MTHFD1: variants seen among roughly 807,000 people sequenced by gnomAD.
The protein encoded by MTHFD1 is C-1-tetrahydrofolate synthase, cytoplasmic.
Under a neutral mutation model 110.3 loss-of-function variants are expected in MTHFD1, and 44 were observed. The ratio of observed to expected loss-of-function variants is 0.40; its 90% CI spans 0.31 to 0.51. The LOEUF (loss-of-function observed/expected upper bound fraction) is 0.51. Ranked by LOEUF, MTHFD1 falls within the 20% of genes least tolerant of loss-of-function variation. MTHFD1 has a pLI of 0.60. For missense variants in MTHFD1, 909 were observed against 1,173.1 expected (o/e 0.77, Z 3.29); for synonymous variants, 402 against 428.8 (o/e 0.94, Z 0.77).
Position 64,426,009 on chromosome 14 carries a change from G to A in MTHFD1, c.954-10G>A, listed in dbSNP as rs771210554. 20 of 1,613,324 alleles carry A rather than the reference G, an allele frequency of 1.2e-5. No homozygotes were observed. The South Asian group carries it at 2.1e-4, about 17-fold the overall frequency. ...ATAAACATTAATACCTATTTTCTAT[G>A]TTTCCAAAGTGACATTGATATATCA... On this transcript the variant is annotated splice_polypyrimidine_tract_variant and intron_variant, in intron 10 of 27. Transcript: ENST00000652337.
chr14:64,448,151 TGAA>T (rs1242955952), intron 22 of MTHFD1, 63 bp from the exon 23 acceptor site: 2 of 1,219,694 alleles, frequency 1.6e-6, no homozygotes, highest in Non-Finnish European at 2.4e-6. Context: ...TGTTTGCCTT[TGAA>T]GAAGAACCTG....
In MTHFD1 at chr14:64,427,369, G is replaced by A; in HGVS notation, c.1160G>A (p.Ser387Asn). 1 of 1,614,202 alleles carries A rather than the reference G, an allele frequency of 6.2e-7. No individual in the cohort carries two copies. The highest frequency in any genetic ancestry group is 8.5e-7 in the Non-Finnish European group (1 of 1,180,032). The change falls in exon 12 of 28, where the codon AGC becomes AAC. Residue 387 changes from serine (S) to asparagine (N), a missense_variant. Physicochemically the swap from Ser to Asn is conservative, Grantham distance 46. Around this residue, in one of 3 missense-constraint regions of MTHFD1, gnomAD observed 424 missense variants for 510.4 expected, o/e 0.83. Transcript: ENST00000652337. ...ITPTPLGEGKSTTTIGLVQAL... is the reference protein window; with the variant it reads ...ITPTPLGEGKNTTTIGLVQAL... ...CCAACACCCCTGGGAGAAGGGAAAA[G>A]CACAACTACAATCGGGCTAGTGCAA... is the stretch of plus-strand genomic sequence containing the variant.
chr14:64,415,202 G>T (rs990067100), intron 4 of MTHFD1, among the ~76,000 whole-genome samples, 156 bp from the exon 5 acceptor site: 3 of 152,252 alleles, frequency 2.0e-5, no homozygotes, highest in African/African-American at 7.2e-5. Context: ...TTAAAGTACA[G>T]GTGCTCTCAG....
At chr14:64,455,851 T>A (rs1329165295) in intron 26 of MTHFD1, among the ~76,000 whole-genome samples, 1 of 152,206 alleles carries the variant, frequency 6.6e-6, no homozygotes, top group Non-Finnish European at 1.5e-5. Flanking sequence ...GGCAACATCA[T>A]CACATCACAG....
intron 2 of MTHFD1, among the ~76,000 whole-genome samples, chr14:64,402,468 A>G (rs1386347200): frequency 6.6e-6 from 1 of 152,238 alleles, no homozygotes; most frequent in Non-Finnish European, 1.5e-5. Context: ...TTCCCTTGAA[A>G]TACCAGTTTC....
chr14:64,453,624 TTATGTA>T, intron 24 of MTHFD1, 124 bp from the exon 25 acceptor site: 1 of 693,028 alleles, frequency 1.4e-6, no homozygotes, highest in Admixed American at 2.0e-5. Context: ...AACTATTTGC[TTATGTA>T]TATGTATATA....
intron 12 of MTHFD1, among the ~76,000 whole-genome samples, chr14:64,427,701 A>AT (rs1460716759): frequency 6.6e-6 from 1 of 152,180 alleles, no homozygotes; most frequent in Admixed American, 6.5e-5. Flanking sequence ...GGGATGGGTG[A>AT]TATGTAGCTG....
At chr14:64,456,600 A>G (rs2078477821) in intron 26 of MTHFD1, among the ~76,000 whole-genome samples, 1 of 152,196 alleles carries the variant, frequency 6.6e-6, no homozygotes. Context: ...CCCGTCTACA[A>G]CAATGGGCAT....
intron 22 of MTHFD1, among the ~76,000 whole-genome samples, chr14:64,447,146 GTTC>G (rs2078296140): frequency 8.3e-6 from 1 of 120,790 alleles, no homozygotes; most frequent in Non-Finnish European, 1.7e-5. Context: ...ATCCAGCTCA[GTTC>G]TTTTTTTTTT....
At chr14:64,456,433 C>T (rs772507346) in intron 26 of MTHFD1, among the ~76,000 whole-genome samples, 186 of 152,096 alleles carry the variant, frequency 1.2e-3, no homozygotes, top group Non-Finnish European at 1.9e-3. Flanking sequence ...CATACATGTG[C>T]GTACACATAA....
intron 17 of MTHFD1, 184 bp downstream of exon 17, chr14:64,439,356 A>C: frequency 1.6e-6 from 1 of 626,454 alleles, no homozygotes; most frequent in Non-Finnish European, 2.9e-6. Flanking sequence ...AATAAATCCC[A>C]TGTGTCACCT....
rs180840922 is a variant in MTHFD1, at chr14:64,451,580, G to A, written c.2457+1958G>A. 2.1e-3 allele frequency among the ~76,000 whole-genome samples: 321 copies of A among 152,334 alleles called. 5 individuals are homozygous for A. Among genetic ancestry groups the A allele is most frequent in the East Asian group, 2.5e-3 (13 of 5,188 alleles). On this transcript the variant is annotated intron_variant, in intron 24 of 27. Transcript: ENST00000652337. ...ACACAAATTTGCACACAAATGCAAA[G>A]CATTTATAGGCACCCTCTCCAGGCT...
intron 2 of MTHFD1, among the ~76,000 whole-genome samples, chr14:64,405,824 C>T (rs1018468997): frequency 1.1e-4 from 17 of 152,054 alleles, no homozygotes; most frequent in African/African-American, 3.9e-4. Context: ...CACTCTCCAT[C>T]CTTTACCAGA....
At chr14:64,454,906 G>A (rs774987765) in intron 26 of MTHFD1, 31 bp downstream of exon 26, 89 of 1,610,454 alleles carry the variant, frequency 5.5e-5, no homozygotes, top group Non-Finnish European at 7.1e-5. Flanking sequence ...AGTAGTGGGC[G>A]CATCTGCACT....
chr14:64,412,885 G>A (rs954593415), intron 4 of MTHFD1, among the ~76,000 whole-genome samples: 6 of 151,228 alleles, frequency 4.0e-5, no homozygotes, highest in Admixed American at 1.3e-4. Flanking sequence ...TGATTTACCC[G>A]CCTTGGCCTC....
chr14:64,446,587 G>C (rs1445356145), intron 22 of MTHFD1, among the ~76,000 whole-genome samples: 2 of 152,090 alleles, frequency 1.3e-5, no homozygotes, highest in Admixed American at 6.6e-5. Context: ...TATTACCCAG[G>C]CTGGAGTGCA....
intron 15 of MTHFD1, among the ~76,000 whole-genome samples, chr14:64,432,440 T>A (rs1392798984): frequency 6.6e-6 from 1 of 152,232 alleles, no homozygotes; most frequent in East Asian, 1.9e-4. Context: ...TTTTAGCAGC[T>A]CTATTAATAA....
rs763646367 is a variant in MTHFD1 at position 64,454,824 on chromosome 14, C to A, written c.2667C>A (p.Arg889=). ...CTACAGGCTTCATTCTGCCCATTCG[C>A]GACATCCGCGCCAGCGTTGGGGCTG... ...GVPTGFILPI[R]DIRASVGAGF... Residue 889 remains arginine (R), a synonymous_variant, in exon 26 of 28, where the codon CGC becomes CGA. Transcript: ENST00000652337. The A allele has an allele frequency of 6.2e-7, 1 of 1,614,176 alleles. No individual in the cohort carries two copies. Among genetic ancestry groups the A allele is most frequent in the South Asian group, 1.1e-5 (1 of 91,080 alleles).
chr14:64,400,205 A>G (rs1326391573), intron 1 of MTHFD1, among the ~76,000 whole-genome samples: 1 of 151,304 alleles, frequency 6.6e-6, no homozygotes, highest in East Asian at 1.9e-4. Flanking sequence ...CCTGACCAAC[A>G]TAGAGAATCT....
Sources: allele counts gnomAD v4.1 joint callset (sites outside exome capture counted in the v4.1 genomes callset), GRCh38; gene constraint gnomAD v4.1.1; regional missense constraint gnomAD v4.1.1; transcripts MANE v1.5; gene names NCBI Gene and HGNC (gene_info 2026-07-23, HGNC 2026-07-21).